FOXP1: variants seen among roughly 807,000 people sequenced by gnomAD.
FOXP1 encodes the protein forkhead box P1.
Under a neutral mutation model 98.2 loss-of-function variants are expected in FOXP1, and 15 were observed. That is an observed-to-expected ratio of 0.15 (90% CI 0.10 to 0.24). The LOEUF is 0.24. FOXP1 is among the 10% of genes least tolerant of loss of function. The probability of loss-of-function intolerance (pLI) is 1.00; values close to 1 mark genes in which losing one functional copy is unlikely to be tolerated. For synonymous variants in FOXP1, 371 were observed against 314.5 expected, an observed-to-expected ratio of 1.18 and a Z score of -1.90; for missense variants, 633 against 848.5, an observed-to-expected ratio of 0.75 and a Z score of 3.15.
chr3:71,125,851 A>G (rs1008958674), intron 6 of FOXP1, among the ~76,000 whole-genome samples: 21 of 152,210 alleles, frequency 1.4e-4, no homozygotes, highest in African/African-American at 4.6e-4. Context: ...ATGCACACCA[A>G]TCACTGTGTC....
At chr3:71,351,951 T>C (rs1315901965) in intron 4 of FOXP1, among the ~76,000 whole-genome samples, 1 of 152,222 alleles carries the variant, frequency 6.6e-6, no homozygotes, top group African/African-American at 2.4e-5. Flanking sequence ...CCTAATCAAA[T>C]TGCGACACAC....
intron 3 of FOXP1, among the ~76,000 whole-genome samples, chr3:71,492,474 CAAAGAGAGAGCCTA>C (rs2091134053): frequency 6.6e-6 from 1 of 151,430 alleles, no homozygotes; most frequent in South Asian, 2.1e-4. Context: ...GAAAAAAAAT[CAAAGAGAGAGCCTA>C]ATTTGCCCCA....
intron 12 of FOXP1, among the ~76,000 whole-genome samples, chr3:71,010,752 T>C (rs2043471036): frequency 6.6e-6 from 1 of 151,984 alleles, no homozygotes; most frequent in African/African-American, 2.4e-5. Context: ...CTGAAGCAAA[T>C]GAAGATGCTT....
In FOXP1 at chr3:71,485,326, T is replaced by A. The variant is rs185542175; in HGVS notation, c.-168+8100A>T. On this transcript the variant is annotated intron_variant, in intron 3 of 20. Transcript: ENST00000649528. ...AAAATAGTAAACCCCCTTATATCCA[T>A]CACCTAGATTCTAGATTTATCAAGC... 7.2e-5 allele frequency among the ~76,000 whole-genome samples: 11 copies of A among 152,312 alleles called. No individual in the cohort carries two copies. In the South Asian group the frequency reaches 2.3e-3, roughly 32 times the overall value.
At chr3:71,502,574 C>A (rs150704569) in intron 2 of FOXP1, among the ~76,000 whole-genome samples, 31 of 152,282 alleles carry the variant, frequency 2.0e-4, no homozygotes, top group African/African-American at 7.0e-4. Flanking sequence ...CATCTTCACA[C>A]TAGAGAGGTG....
At chr3:71,501,787 G>A (rs560432317) in intron 2 of FOXP1, among the ~76,000 whole-genome samples, 7 of 152,214 alleles carry the variant, frequency 4.6e-5, no homozygotes, top group South Asian at 4.1e-4. Context: ...CCACCTTCAC[G>A]TTTCTGAACT....
intron 4 of FOXP1, among the ~76,000 whole-genome samples, chr3:71,307,995 G>T (rs779222434): frequency 6.6e-6 from 1 of 152,194 alleles, no homozygotes; most frequent in Non-Finnish European, 1.5e-5. Flanking sequence ...CTGAAAGAGC[G>T]CCGGATTCGG....
At chr3:71,303,196 T>C (rs1162097117) in intron 4 of FOXP1, among the ~76,000 whole-genome samples, 1 of 152,218 alleles carries the variant, frequency 6.6e-6, no homozygotes, top group Non-Finnish European at 1.5e-5. Context: ...TTAAGATTTC[T>C]GCATTATATT....
At chr3:71,256,347 C>T (rs1290075959) in intron 5 of FOXP1, among the ~76,000 whole-genome samples, 5 of 151,552 alleles carry the variant, frequency 3.3e-5, no homozygotes, top group Admixed American at 6.6e-5. Context: ...GTGGTGGGGG[C>T]GGGGCATCCA....
chr3:71,014,746 G>A (rs1245264833), intron 12 of FOXP1, among the ~76,000 whole-genome samples: 1 of 152,144 alleles, frequency 6.6e-6, no homozygotes, highest in Non-Finnish European at 1.5e-5. Context: ...CAACCCAAAT[G>A]TCCATCAATG....
intron 7 of FOXP1, among the ~76,000 whole-genome samples, chr3:71,079,814 T>C (rs912713914): frequency 2.6e-5 from 4 of 152,234 alleles, no homozygotes; most frequent in Non-Finnish European, 5.9e-5. Context: ...GGTTTTTGAA[T>C]GCATAGATGA....
chr3:71,219,255 A>C (rs1373088601), intron 5 of FOXP1, among the ~76,000 whole-genome samples: 1 of 152,168 alleles, frequency 6.6e-6, no homozygotes, highest in Non-Finnish European at 1.5e-5. Flanking sequence ...GCCATAGCCC[A>C]TCTGATCATG....
chr3:71,400,635 G>GC (rs574552598), intron 3 of FOXP1, among the ~76,000 whole-genome samples: 57 of 152,246 alleles, frequency 3.7e-4, no homozygotes, highest in African/African-American at 1.3e-3. Flanking sequence ...TGGGATCAAT[G>GC]CCTGAGCCAC....
intron 6 of FOXP1, among the ~76,000 whole-genome samples, chr3:71,152,113 C>T (rs766786624): frequency 1.5e-4 from 23 of 152,118 alleles, no homozygotes; most frequent in Non-Finnish European, 2.6e-4. Flanking sequence ...CAAAGAGGGT[C>T]GGAGGCTGTT....
chr3:71,023,456 A>G (rs1433250599), intron 11 of FOXP1, among the ~76,000 whole-genome samples: 4 of 152,186 alleles, frequency 2.6e-5, no homozygotes, highest in Admixed American at 6.5e-5. Flanking sequence ...AGCCCTATCT[A>G]CTAATAAAGA....
At chr3:71,177,141 A>T (rs2061990926) in intron 6 of FOXP1, among the ~76,000 whole-genome samples, 1 of 152,206 alleles carries the variant, frequency 6.6e-6, no homozygotes, top group Admixed American at 6.5e-5. Context: ...AGATGGAATC[A>T]GGCTAACTTC....
intron 6 of FOXP1, among the ~76,000 whole-genome samples, chr3:71,158,729 A>G (rs113521994): frequency 2.5e-4 from 5 of 19,742 alleles, no homozygotes; most frequent in African/African-American, 3.9e-4. Context: ...CCACAGACCA[A>G]AAAAAAAAAA....
chr3:71,064,935 G>C (rs922502881), intron 7 of FOXP1: 8 of 307,926 alleles, frequency 2.6e-5, no homozygotes, highest in African/African-American at 4.6e-5. Flanking sequence ...ACGCGCGCAG[G>C]GGCGCTCCGG....
intron 5 of FOXP1, among the ~76,000 whole-genome samples, chr3:71,240,305 T>G (rs1209005447): frequency 6.6e-6 from 1 of 152,250 alleles, no homozygotes; most frequent in Non-Finnish European, 1.5e-5. Flanking sequence ...CTTTGCATTC[T>G]TTGGTTTGAA....
Sources: gnomAD v4.1 joint callset for allele counts (sites outside exome capture counted in the v4.1 genomes callset) on GRCh38, gnomAD v4.1.1 for gene constraint, MANE v1.5 for transcripts, NCBI Gene and HGNC (gene_info 2026-07-23, HGNC 2026-07-21) for gene names.